Variants in ZNF626 observed in about 807,000 individuals in gnomAD.
ZNF626 encodes the protein CTC-513N18.7.
In ZNF626, 4 loss-of-function variants were observed where a neutral mutation model predicts 11.7. That is an observed-to-expected ratio of 0.34 (90% confidence interval 0.17 to 0.78). The LOEUF (loss-of-function observed/expected upper bound fraction) is 0.78, where lower values mean the gene tolerates loss of function less well. ZNF626 is among the 30% of genes least tolerant of loss of function. ZNF626 has a pLI of 0.57. For missense variants in ZNF626, 588 were observed against 587.1 expected (o/e 1.00, Z -0.01); for synonymous variants, 179 against 198.6 (o/e 0.90, Z 0.83).
chr19:20,654,784 T>G (rs868949851), intron 1 of ZNF626, among the ~76,000 whole-genome samples: 13 of 152,082 alleles, frequency 8.5e-5, no homozygotes, highest in South Asian at 2.1e-4. Context: ...TTTAAGTGAT[T>G]AATTCAAAGT....
At chr19:20,640,700 A>G (rs1171758302) in intron 3 of ZNF626, among the ~76,000 whole-genome samples, 2 of 151,856 alleles carry the variant, frequency 1.3e-5, no homozygotes, top group African/African-American at 4.8e-5. Flanking sequence ...CCTCACACAC[A>G]TTAGAATGGC....
intron 3 of ZNF626, among the ~76,000 whole-genome samples, chr19:20,635,310 T>C (rs528337553): frequency 6.6e-6 from 1 of 152,308 alleles, no homozygotes; most frequent in South Asian, 2.1e-4. Flanking sequence ...AATGTCTATA[T>C]AATTAATATG....
rs1555768723 is a variant in ZNF626, at chr19:20,621,489, T to C, written c.*2801A>G. 6.6e-6 allele frequency: 1 copy of C among 152,174 alleles called. No individual in the cohort carries two copies. The highest frequency in any genetic ancestry group is 6.5e-5 in the Admixed American group (1 of 15,280). 9.4% of individuals were successfully genotyped at this position (152,174 alleles called of 1,614,324 possible). On this transcript the variant is annotated 3_prime_UTR_variant, in exon 4 of 4. Coordinates refer to ENST00000601440, the MANE Select transcript of ZNF626 (RefSeq NM_001076675.3). ...AAAATCACCCTGTAGTCAATTACAA[T>C]TTAATTGGACATTTAAAAGTAACTA...
At chr19:20,657,223 A>G (rs1970214176) in intron 1 of ZNF626, among the ~76,000 whole-genome samples, 12 of 152,088 alleles carry the variant, frequency 7.9e-5, no homozygotes, top group Admixed American at 7.9e-4. Context: ...TACAAAATGA[A>G]AAATTGGCCA....
chr19:20,634,476 T>TTA (rs1454809749), intron 3 of ZNF626, among the ~76,000 whole-genome samples: 2 of 152,114 alleles, frequency 1.3e-5, no homozygotes, highest in African/African-American at 4.8e-5. Context: ...AAAAATGGAA[T>TTA]TAGAGTATAA....
rs782141726 is a variant in ZNF626, at chr19:20,624,202, T to C, written c.*88A>G. 31 of 1,603,948 alleles carry C rather than the reference T, an allele frequency of 1.9e-5. No homozygotes were observed. The highest frequency in any genetic ancestry group is 5.5e-5 in the South Asian group (5 of 90,818). The stretch of plus-strand genomic sequence containing the variant: ...ACATCTGTAGGGTTTTTTTCCAGTA[T>C]GAATTTTCTTATGTGTAGTAAGGTT... On this transcript the variant is annotated 3_prime_UTR_variant, in exon 4 of 4. Coordinates refer to ENST00000601440, the MANE Select transcript of ZNF626 (RefSeq NM_001076675.3).
At chr19:20,647,756 G>C (rs369008183) in intron 1 of ZNF626, among the ~76,000 whole-genome samples, 62 of 152,128 alleles carry the variant, frequency 4.1e-4, no homozygotes, top group African/African-American at 1.3e-3. Context: ...AAAGTGCTGG[G>C]ATTACAGGTG....
rs1027560110 is a variant in ZNF626, at chr19:20,639,511, G to A, written c.226+6173C>T. Among the ~76,000 whole-genome samples the A allele has an allele frequency of 8.5e-5, 13 of 152,354 alleles. No individual in the cohort carries two copies. The East Asian group carries it at 2.5e-3, about 29-fold the overall frequency. On this transcript the variant is annotated intron_variant, in intron 3 of 3. Coordinates refer to ENST00000601440, the MANE Select transcript of ZNF626 (RefSeq NM_001076675.3). The stretch of plus-strand genomic sequence containing the variant: ...CTAACACTTTGGGAGATCAAGGTAA[G>A]AGGATCCATTGGTGCCAAAAGTTTA...
At chr19:20,649,078 C>T (rs1188201676) in intron 1 of ZNF626, among the ~76,000 whole-genome samples, 1 of 152,148 alleles carries the variant, frequency 6.6e-6, no homozygotes, top group Non-Finnish European at 1.5e-5. Flanking sequence ...CGACATAGCT[C>T]TTCATCTGAC....
rs1969812267 is a variant in ZNF626, at chr19:20,625,209, T to C, written c.668A>G (p.His223Arg). 6.2e-7 allele frequency: 1 copy of C among 1,613,290 alleles called. No homozygotes were observed. The highest frequency in any genetic ancestry group is 8.5e-7 in the Non-Finnish European group (1 of 1,179,952). ...SCSLTRHKKI[H>R]TGEKPYKCEE... is the part of the protein sequence containing the mutation. ...ACATTTGTAGGGTTTCTCTCCAGTATGAATTTTCTTATGTCTAGTAAGGCT... is the reference window on the plus strand; with the variant it reads ...ACATTTGTAGGGTTTCTCTCCAGTACGAATTTTCTTATGTCTAGTAAGGCT... Residue 223 changes from histidine to arginine, a missense_variant, in exon 4 of 4, where the codon CAT (histidine) becomes CGT (arginine). Transcript: ENST00000601440.
At chr19:20,656,914 T>A (rs1170516123) in intron 1 of ZNF626, among the ~76,000 whole-genome samples, 1 of 152,128 alleles carries the variant, frequency 6.6e-6, no homozygotes, top group African/African-American at 2.4e-5. Context: ...AAAACAGAAT[T>A]ATCAATTTGA....
At chr19:20,657,973 A>T (rs1393272236) in intron 1 of ZNF626, among the ~76,000 whole-genome samples, 1 of 152,140 alleles carries the variant, frequency 6.6e-6, no homozygotes, top group Non-Finnish European at 1.5e-5. Context: ...CAGTAAGAGG[A>T]TCAGAAAACA....
At chr19:20,631,804 G>A in intron 3 of ZNF626, among the ~76,000 whole-genome samples, 1 of 151,538 alleles carries the variant, frequency 6.6e-6, no homozygotes, top group Non-Finnish European at 1.5e-5. Context: ...AGTTAATATT[G>A]TTATGTGTGA....
At chr19:20,660,461 T>C (rs1344360468) in intron 1 of ZNF626, among the ~76,000 whole-genome samples, 1 of 152,112 alleles carries the variant, frequency 6.6e-6, no homozygotes, top group Non-Finnish European at 1.5e-5. Context: ...GAGTCTCGCT[T>C]TGTCACGCAG....
At chr19:20,626,003 C>G (rs1969827371) in intron 3 of ZNF626, among the ~76,000 whole-genome samples, 1 of 152,188 alleles carries the variant, frequency 6.6e-6, no homozygotes, top group Non-Finnish European at 1.5e-5. Context: ...TGACACACGC[C>G]TGTAGTCCCA....
intron 3 of ZNF626, among the ~76,000 whole-genome samples, chr19:20,641,050 C>T (rs1599480909): frequency 2.7e-5 from 4 of 150,502 alleles, no homozygotes; most frequent in South Asian, 2.1e-4. Flanking sequence ...GCAGGAGAAT[C>T]GCTTGAACCC....
chr19:20,658,795 AC>A (rs2144797922), intron 1 of ZNF626, among the ~76,000 whole-genome samples: 1 of 152,220 alleles, frequency 6.6e-6, no homozygotes, highest in South Asian at 2.1e-4. Context: ...GGGTCCCACA[AC>A]ATTGTCCTCA....
intron 3 of ZNF626, among the ~76,000 whole-genome samples, chr19:20,642,958 C>G (rs1301404628): frequency 6.6e-6 from 1 of 151,058 alleles, no homozygotes; most frequent in African/African-American, 2.4e-5. Context: ...TTGCAGTGAG[C>G]CAAGATCGCA....
intron 1 of ZNF626, among the ~76,000 whole-genome samples, chr19:20,646,685 C>T (rs1283479904): frequency 2.0e-5 from 3 of 152,044 alleles, no homozygotes; most frequent in East Asian, 3.9e-4. Context: ...TTTTTCAGTG[C>T]TATAGTTACA....
Sources: gnomAD v4.1 joint callset for allele counts (sites outside exome capture counted in the v4.1 genomes callset) on GRCh38, gnomAD v4.1.1 for gene constraint, MANE v1.5 for transcripts, NCBI Gene and HGNC (gene_info 2026-07-23, HGNC 2026-07-21) for gene names.